DDX39A: variants seen among roughly 807,000 people sequenced by gnomAD.
DDX39A encodes ATP-dependent RNA helicase DDX39A.
Under a neutral mutation model 46.3 loss-of-function variants are expected in DDX39A, and 13 were observed. The observed-to-expected ratio is 0.28, with a 90% CI of 0.18 to 0.45. The LOEUF is 0.45. Among genes scored for constraint, DDX39A ranks in the 20% least tolerant of loss-of-function variants. DDX39A has a pLI of 1.00. For synonymous variants in DDX39A, 234 were observed against 224.6 expected (o/e 1.04, Z -0.38); for missense variants, 352 against 581.8 (o/e 0.61, Z 4.06).
chr19:14,413,321 G>A (rs1976670895), intron 1 of DDX39A, 97 bp from the exon 2 acceptor site: 4 of 1,128,306 alleles, frequency 3.5e-6, no homozygotes, highest in Non-Finnish European at 3.8e-6. Context: ...CCATGAGTGA[G>A]CCCATCAGCT....
Position 14,412,517 on chromosome 19 carries a change from C to A in DDX39A, c.336+34G>T, listed in dbSNP as rs754434004. 8.8e-6 allele frequency: 14 copies of A among 1,594,350 alleles called. No homozygotes were observed. In the East Asian group the frequency reaches 2.7e-4, roughly 31 times the overall value. On this transcript the variant is annotated intron_variant, in intron 3 of 10. Transcript: ENST00000242776. The surrounding 1 kb of genome is among the most constrained non-coding windows in gnomAD (Gnocchi z 4.4). The stretch of plus-strand genomic sequence containing the variant: ...CCTACTCTACTTCCGCCGCCACAGG[C>A]AGGGTGGGGCCAGGAAGGGAGGAGC...
chr19:14,410,390 C>T lies in DDX39A; in HGVS notation c.614-56G>A, dbSNP rs1976528856. 1.3e-6 allele frequency: 2 copies of T among 1,482,312 alleles called. No homozygotes were observed. The highest frequency in any genetic ancestry group is 9.4e-7 in the Non-Finnish European group (1 of 1,063,680). The allele number at this position is 1,482,312 out of a possible 1,614,324, so 91.8% of individuals were successfully genotyped here. On this transcript the variant is annotated intron_variant, in intron 5 of 10. Transcript: ENST00000242776. The surrounding 1 kb of genome is among the most constrained non-coding windows in gnomAD (Gnocchi z 4.3). ...ATGAGCGTCTGCCATGCAGGACCCC[C>T]ACCCCAGACCAGACCCAGACCCCTC...
At chr19:14,418,253 G>A (rs1976899781) in intron 1 of DDX39A, among the ~76,000 whole-genome samples, 1 of 151,916 alleles carries the variant, frequency 6.6e-6, no homozygotes, top group Non-Finnish European at 1.5e-5. Context: ...GATCAGGAAA[G>A]GATCCGGCGG....
intron 1 of DDX39A, chr19:14,416,281 G>A (rs1555712852): frequency 6.6e-6 from 1 of 152,336 alleles, no homozygotes; most frequent in Non-Finnish European, 1.5e-5. Flanking sequence ...CAGCACCTTT[G>A]CACTTGCTGT....
chr19:14,410,728 G>T lies in DDX39A; in HGVS notation c.613+261C>A. On this transcript the variant is annotated intron_variant, in intron 5 of 10. Transcript: ENST00000242776. This position sits in a 1 kb window ranked among gnomAD's most constrained non-coding sequence, Gnocchi z 4.3. ...GGGGCCTGGAACCAACCCAACAGGT[G>T]GCAGAAGCCTCATACTCCCAGAGGT... 1 of 524,808 alleles carries T rather than the reference G, an allele frequency of 1.9e-6. No individual in the cohort carries two copies. Among genetic ancestry groups the T allele is most frequent in the Non-Finnish European group, 3.4e-6 (1 of 290,654 alleles). The allele number at this position is 524,808 out of a possible 1,614,324, so 32.5% of individuals were successfully genotyped here.
intron 1 of DDX39A, among the ~76,000 whole-genome samples, chr19:14,414,510 C>G (rs1319810473): frequency 2.0e-5 from 3 of 149,896 alleles, no homozygotes; most frequent in African/African-American, 7.3e-5. Context: ...GCCACCATGC[C>G]CAGCTAATTT....
rs1976407772 is a variant in DDX39A, at chr19:14,408,827, TAAC to T, written c.*106_*108del. On this transcript the variant is annotated 3_prime_UTR_variant, in exon 11 of 11. Transcript: ENST00000242776. ...TGGGGTGGGAGCCAGGCTTCCATAATAACAAGTTTATTCTCATACAATCTCTAG... is the reference window on the plus strand; with the variant it reads ...TGGGGTGGGAGCCAGGCTTCCATAATAAGTTTATTCTCATACAATCTCTAG... The T allele has an allele frequency of 1.4e-6, 2 of 1,456,586 alleles. No homozygotes were observed. Among genetic ancestry groups the T allele is most frequent in the Admixed American group, 4.9e-5 (2 of 41,120 alleles). The allele number at this position is 1,456,586 out of a possible 1,614,324, so 90.2% of individuals were successfully genotyped here. A position where few individuals can be genotyped will look rare whatever the true frequency, so the allele number is the denominator to read the frequency against.
rs772075385 is a variant in DDX39A at position 14,410,175 on chromosome 19, C to A, written c.732+41G>T. 1.3e-6 allele frequency: 2 copies of A among 1,573,474 alleles called. No individual in the cohort carries two copies. The highest frequency in any genetic ancestry group is 2.7e-5 in the African/African-American group (2 of 74,120). ...GTGTCCTGGGGCCCCAGGCTCCAGG[C>A]CCCTGGGGAAGGCCAAAGCTGCCAC... On this transcript the variant is annotated intron_variant, in intron 6 of 10. Transcript: ENST00000242776. This position sits in a 1 kb window ranked among gnomAD's most constrained non-coding sequence, Gnocchi z 4.3.
intron 1 of DDX39A, among the ~76,000 whole-genome samples, chr19:14,416,743 G>T (rs915404135): frequency 2.0e-5 from 3 of 152,160 alleles, no homozygotes; most frequent in Non-Finnish European, 2.9e-5. Flanking sequence ...CTGGAGTGCA[G>T]TGGTGCAATC....
In DDX39A at chr19:14,410,938, G is replaced by T; in HGVS notation, c.613+51C>A. On this transcript the variant is annotated intron_variant, in intron 5 of 10. Transcript: ENST00000242776. This position sits in a 1 kb window ranked among gnomAD's most constrained non-coding sequence, Gnocchi z 4.3. ...TCAAGAGCCTTCCGCCTGCTATGGG[G>T]CCCGCCTAGTCACTGACTCTCAGCT... The T allele has an allele frequency of 6.8e-7, 1 of 1,480,726 alleles. No individual in the cohort carries two copies. The highest frequency in any genetic ancestry group is 9.0e-7 in the Non-Finnish European group (1 of 1,110,502). The allele number at this position is 1,480,726 out of a possible 1,614,324, so 91.7% of individuals were successfully genotyped here.
At position 14,409,470 on chromosome 19, in the gene DDX39A, G is replaced by A. The variant is rs750274725; in HGVS notation, c.975-23C>T. 22 of 1,613,066 alleles carry A rather than the reference G, an allele frequency of 1.4e-5. No homozygotes were observed. Among genetic ancestry groups the A allele is most frequent in the Non-Finnish European group, 1.9e-5 (22 of 1,179,868 alleles). ...AGGCTGGGGTGCAGGAGAAACAAGT[G>A]GAGGCCGTCAGACACTGGGCTCCTG... On this transcript the variant is annotated intron_variant, in intron 8 of 10. Coordinates refer to ENST00000242776, the MANE Select transcript of DDX39A (RefSeq NM_005804.4). The surrounding 1 kb of genome is among the most constrained non-coding windows in gnomAD (Gnocchi z 8.3).
Position 14,409,267 on chromosome 19 carries a change from G to A in DDX39A, c.1119+36C>T, listed in dbSNP as rs73517823. The stretch of plus-strand genomic sequence containing the variant: ...AGCAGGGCTGGGGCCCCACCCCACC[G>A]CCAGGGGAAAGCAACATGCCCGTGA... On this transcript the variant is annotated intron_variant, in intron 9 of 10. Transcript: ENST00000242776. The surrounding 1 kb of genome is among the most constrained non-coding windows in gnomAD (Gnocchi z 8.3). The A allele has an allele frequency of 0.038, 60,760 of 1,613,154 alleles. 2,135 individuals are homozygous for A. Among genetic ancestry groups the A allele is most frequent in the African/African-American group, 0.19 (13,897 of 74,998 alleles).
chr19:14,415,344 G>A (rs1431011637), intron 1 of DDX39A, among the ~76,000 whole-genome samples: 2 of 151,932 alleles, frequency 1.3e-5, no homozygotes, highest in African/African-American at 2.4e-5. Flanking sequence ...CTGTTGCCCA[G>A]GCTGGAGTGC....
chr19:14,410,144 G>T lies in DDX39A; in HGVS notation c.732+72C>A, dbSNP rs534246395. Reference sequence around the variant, plus strand: ...CAGCATCCTCCGTGCCATGTGGGCCGTGCGGGTGTCCTGGGGCCCCAGGCT... The same window carrying T: ...CAGCATCCTCCGTGCCATGTGGGCCTTGCGGGTGTCCTGGGGCCCCAGGCT... On this transcript the variant is annotated intron_variant, in intron 6 of 10. Transcript: ENST00000242776. The surrounding 1 kb of genome is among the most constrained non-coding windows in gnomAD (Gnocchi z 4.3). 5 of 1,346,948 alleles carry T rather than the reference G, an allele frequency of 3.7e-6. No individual in the cohort carries two copies. The East Asian group carries it at 6.9e-5, about 19-fold the overall frequency. The allele number at this position is 1,346,948 out of a possible 1,614,324, so 83.4% of individuals were successfully genotyped here. A position where few individuals can be genotyped will look rare whatever the true frequency, so the allele number is the denominator to read the frequency against.
rs778778352 is a variant in DDX39A at position 14,410,167 on chromosome 19, G to C, written c.732+49C>G. 3 of 1,566,472 alleles carry C rather than the reference G, an allele frequency of 1.9e-6. No homozygotes were observed. Among genetic ancestry groups the C allele is most frequent in the Non-Finnish European group, 2.6e-6 (3 of 1,138,702 alleles). On this transcript the variant is annotated intron_variant, in intron 6 of 10. Coordinates refer to ENST00000242776, the MANE Select transcript of DDX39A (RefSeq NM_005804.4). This position sits in a 1 kb window ranked among gnomAD's most constrained non-coding sequence, Gnocchi z 4.3. ...CCGTGCGGGTGTCCTGGGGCCCCAG[G>C]CTCCAGGCCCCTGGGGAAGGCCAAA...
rs1976407772 is a variant in DDX39A at position 14,408,827 on chromosome 19, T to TAAC, written c.*106_*108dup. ...TGGGGTGGGAGCCAGGCTTCCATAA[T>TAAC]AACAAGTTTATTCTCATACAATCTC... On this transcript the variant is annotated 3_prime_UTR_variant, in exon 11 of 11. Transcript: ENST00000242776. 6 of 1,456,468 alleles carry TAAC rather than the reference T, an allele frequency of 4.1e-6. No individual in the cohort carries two copies. Among genetic ancestry groups the TAAC allele is most frequent in the Non-Finnish European group, 4.6e-6 (5 of 1,093,194 alleles). The allele number at this position is 1,456,468 out of a possible 1,614,324, so 90.2% of individuals were successfully genotyped here. A position where few individuals can be genotyped will look rare whatever the true frequency, so the allele number is the denominator to read the frequency against.
intron 1 of DDX39A, among the ~76,000 whole-genome samples, chr19:14,418,730 C>G (rs928877463): frequency 1.3e-5 from 2 of 152,090 alleles, no homozygotes. Flanking sequence ...TCCCAAAGTA[C>G]TGAGATTACA....
chr19:14,410,086 G>GTTTCC lies in DDX39A; in HGVS notation c.732+129_732+130insGGAAA. ...ACTCCCAGTTTGACAAGACCGAGGG[G>GTTTCC]AGGAAAGGAGGCTCCGCCGGCTCCC... On this transcript the variant is annotated intron_variant, in intron 6 of 10. Transcript: ENST00000242776. This position sits in a 1 kb window ranked among gnomAD's most constrained non-coding sequence, Gnocchi z 4.3. 9.6e-7 allele frequency: 1 copy of GTTTCC among 1,042,822 alleles called. No individual in the cohort carries two copies. The highest frequency in any genetic ancestry group is 1.7e-5 in the Admixed American group (1 of 57,670). The allele number at this position is 1,042,822 out of a possible 1,614,324, so 64.6% of individuals were successfully genotyped here. A position where few individuals can be genotyped will look rare whatever the true frequency, so the allele number is the denominator to read the frequency against.
chr19:14,412,998 A>C lies in DDX39A; in HGVS notation c.208+15T>G. ...GTGAGGACCTGGGCAAGAGGATAAC[A>C]CCCAGAAGGCGTACCCTCAGAAGGA... On this transcript the variant is annotated intron_variant, in intron 2 of 10. Coordinates refer to ENST00000242776, the MANE Select transcript of DDX39A (RefSeq NM_005804.4). The surrounding 1 kb of genome is among the most constrained non-coding windows in gnomAD (Gnocchi z 4.4). The C allele has an allele frequency of 6.2e-7, 1 of 1,611,858 alleles. No individual in the cohort carries two copies. The highest frequency in any genetic ancestry group is 1.3e-5 in the African/African-American group (1 of 74,960).
Sources: gnomAD v4.1 joint callset for allele counts (sites outside exome capture counted in the v4.1 genomes callset) on GRCh38, gnomAD v4.1.1 for gene constraint, Gnocchi (gnomAD v3.1) non-coding constraint, MANE v1.5 for transcripts, NCBI Gene and HGNC (gene_info 2026-07-23, HGNC 2026-07-21) for gene names.